MDGA2: variants seen among roughly 807,000 people sequenced by gnomAD.
MDGA2 encodes MAM domain containing glycosylphosphatidylinositol anchor 2.
Under a neutral mutation model 117.8 loss-of-function variants are expected in MDGA2, and 40 were observed. That is an observed-to-expected ratio of 0.34 (90% CI 0.26 to 0.44). The LOEUF is 0.44. MDGA2 is among the 20% of genes least tolerant of loss of function. MDGA2 has a pLI of 1.00. For missense variants in MDGA2, 1,123 were observed against 1,250.6 expected (o/e 0.90, Z 1.54); for synonymous variants, 452 against 439.0 (o/e 1.03, Z -0.37).
chr14:47,317,691 G>C (rs1889849446), intron 1 of MDGA2, among the ~76,000 whole-genome samples: 1 of 152,028 alleles, frequency 6.6e-6, no homozygotes, highest in African/African-American at 2.4e-5. Flanking sequence ...AGGGAAAAGA[G>C]TAAAAAACCA....
chr14:47,261,871 G>A (rs1001676961), intron 2 of MDGA2, among the ~76,000 whole-genome samples: 6 of 151,976 alleles, frequency 3.9e-5, no homozygotes, highest in Non-Finnish European at 1.5e-5. Flanking sequence ...GTATAGTCTT[G>A]CAGATAATTT....
At chr14:47,286,803 TTATATATATATATATATATATACA>T (rs1405305518) in intron 2 of MDGA2, among the ~76,000 whole-genome samples, 1 of 130,038 alleles carries the variant, frequency 7.7e-6, no homozygotes, top group African/African-American at 3.2e-5. Flanking sequence ...AGGCATATCA[TTATATATATATATATATATATACA>T]TATATATATG....
chr14:47,050,150 A>C (rs1247828675), intron 7 of MDGA2, among the ~76,000 whole-genome samples: 2 of 152,064 alleles, frequency 1.3e-5, no homozygotes, highest in Non-Finnish European at 2.9e-5. Flanking sequence ...TTCTGTGTAA[A>C]GAACCAAGGT....
At chr14:47,197,485 A>G (rs915491785) in intron 3 of MDGA2, among the ~76,000 whole-genome samples, 1 of 152,100 alleles carries the variant, frequency 6.6e-6, no homozygotes, top group African/African-American at 2.4e-5. Context: ...ACTGCACGAA[A>G]TAAATGTTTG....
intron 5 of MDGA2, among the ~76,000 whole-genome samples, chr14:47,130,533 G>A (rs773160615): frequency 7.9e-5 from 12 of 152,202 alleles, no homozygotes; most frequent in Admixed American, 5.9e-4. Context: ...TGGAACACAT[G>A]TTGATGAACC....
intron 1 of MDGA2, among the ~76,000 whole-genome samples, chr14:47,622,829 T>C (rs1897074699): frequency 6.6e-6 from 1 of 152,136 alleles, no homozygotes; most frequent in Admixed American, 6.5e-5. Context: ...ATAGGTGGCT[T>C]GTTCCAGAGT....
rs562659804 is a variant in MDGA2 at position 47,178,246 on chromosome 14, G to T, written c.596-33972C>A. 1.2e-4 allele frequency among the ~76,000 whole-genome samples: 18 copies of T among 152,254 alleles called. 1 individual carries two copies. The highest frequency in any genetic ancestry group is 3.9e-4 in the African/African-American group (16 of 41,558). On this transcript the variant is annotated intron_variant, in intron 3 of 16. Transcript: ENST00000399232. ...CATTTTCTGGTTTAAAACAAGAAAT[G>T]CACATTTGGCAACTCATTAAACTCC...
At chr14:47,440,606 A>G (rs1388635656) in intron 1 of MDGA2, among the ~76,000 whole-genome samples, 1 of 152,146 alleles carries the variant, frequency 6.6e-6, no homozygotes, top group African/African-American at 2.4e-5. Context: ...TATCTCTGGT[A>G]GATACCATAA....
chr14:46,972,188 A>G (rs1886296592), intron 8 of MDGA2, among the ~76,000 whole-genome samples: 1 of 152,118 alleles, frequency 6.6e-6, no homozygotes, highest in Non-Finnish European at 1.5e-5. Context: ...ATGTATGCTA[A>G]CTCAGGATAT....
intron 12 of MDGA2, among the ~76,000 whole-genome samples, chr14:46,875,309 G>A (rs1321084968): frequency 6.6e-6 from 1 of 151,684 alleles, no homozygotes; most frequent in East Asian, 1.9e-4. Flanking sequence ...TGAATTAATT[G>A]AAAATTTTTG....
rs534126100 is a variant in MDGA2 at position 46,936,105 on chromosome 14, G to A, written c.2090-15945C>T. 9.2e-5 allele frequency among the ~76,000 whole-genome samples: 14 copies of A among 152,022 alleles called. No homozygotes were observed. In the East Asian group the frequency reaches 2.7e-3, roughly 29 times the overall value. On this transcript the variant is annotated intron_variant, in intron 9 of 16. Transcript: ENST00000399232. ...TTGATGTATTACTTTATTTTTTAAT[G>A]AAGGAAGTGGTCCACAAAGACAAAG...
chr14:47,373,804 G>C (rs908342747), intron 1 of MDGA2, among the ~76,000 whole-genome samples: 1 of 152,110 alleles, frequency 6.6e-6, no homozygotes, highest in Non-Finnish European at 1.5e-5. Context: ...GGCCTGAAAT[G>C]GGTGAATTGT....
intron 8 of MDGA2, among the ~76,000 whole-genome samples, chr14:46,968,338 A>C (rs1023115533): frequency 8.5e-5 from 13 of 152,162 alleles, no homozygotes; most frequent in African/African-American, 2.9e-4. Context: ...AAATCCCTGA[A>C]GGTAGATGCA....
chr14:46,851,866 T>C (rs1478927755), intron 15 of MDGA2, among the ~76,000 whole-genome samples: 1 of 151,452 alleles, frequency 6.6e-6, no homozygotes, highest in Non-Finnish European at 1.5e-5. Context: ...CCAAATAAAG[T>C]ATTTTTGAGA....
intron 1 of MDGA2, among the ~76,000 whole-genome samples, chr14:47,476,638 T>A (rs1286012769): frequency 6.6e-6 from 1 of 152,156 alleles, no homozygotes; most frequent in Non-Finnish European, 1.5e-5. Context: ...GAGTTTATCA[T>A]TTAGCATGAG....
chr14:47,029,164 G>A (rs1888574548), intron 8 of MDGA2, among the ~76,000 whole-genome samples: 1 of 151,994 alleles, frequency 6.6e-6, no homozygotes, highest in Admixed American at 6.6e-5. Flanking sequence ...TCAGGTTCAT[G>A]ATATTATGCT....
chr14:47,268,075 C>CTT (rs1292285880), intron 2 of MDGA2, among the ~76,000 whole-genome samples: 5 of 143,268 alleles, frequency 3.5e-5, no homozygotes, highest in Non-Finnish European at 3.1e-5. Context: ...TCCTTTTCTT[C>CTT]TTTTTTTTTT....
intron 1 of MDGA2, among the ~76,000 whole-genome samples, chr14:47,417,291 C>T (rs1892494171): frequency 6.6e-6 from 1 of 152,180 alleles, no homozygotes; most frequent in Non-Finnish European, 1.5e-5. Flanking sequence ...TTTCTTCAAA[C>T]ATTCTACTTT....
At chr14:47,375,193 C>A (rs941645328) in intron 1 of MDGA2, among the ~76,000 whole-genome samples, 1 of 142,044 alleles carries the variant, frequency 7.0e-6, no homozygotes, top group Non-Finnish European at 1.5e-5. Context: ...ATATACAGTG[C>A]CTCTTAGGAA....
Sources: allele counts gnomAD v4.1 joint callset (sites outside exome capture counted in the v4.1 genomes callset), GRCh38; gene constraint gnomAD v4.1.1; transcripts MANE v1.5; gene names NCBI Gene and HGNC (gene_info 2026-07-23, HGNC 2026-07-21).